The following SRPK2 variants were observed in gnomAD, a reference collection of about 807,000 sequenced individuals.
SRPK2 encodes the protein SRSF protein kinase 2.
SRPK2 carries 21 observed loss-of-function variants against 90.8 expected under a neutral mutation model. The observed-to-expected ratio is 0.23, with a 90% CI of 0.16 to 0.33. The LOEUF is 0.33. SRPK2 is among the 10% of genes least tolerant of loss of function. SRPK2 has a pLI of 1.00. For synonymous variants in SRPK2, 288 were observed against 311.1 expected (o/e 0.93, Z 0.78); for missense variants, 620 against 869.0 (o/e 0.71, Z 3.60).
At chr7:105,346,714 C>T (rs2131982934) in intron 2 of SRPK2, among the ~76,000 whole-genome samples, 1 of 151,996 alleles carries the variant, frequency 6.6e-6, no homozygotes, top group South Asian at 2.1e-4. Context: ...GCCAAGATCG[C>T]ACCACTGCAC....
chr7:105,119,948 C>T lies in SRPK2; in HGVS notation c.1916-1926G>A, dbSNP rs77635566. ...AACAACATGGGAGAAGATCATGGTACAACATTAGGCAGTAAAAGAACAGTC... is the reference window on the plus strand; with the variant it reads ...AACAACATGGGAGAAGATCATGGTATAACATTAGGCAGTAAAAGAACAGTC... On this transcript the variant is annotated intron_variant, in intron 15 of 15. Transcript: ENST00000393651. 4.6e-5 allele frequency among the ~76,000 whole-genome samples: 7 copies of T among 152,270 alleles called. No homozygotes were observed. The East Asian group carries it at 9.6e-4, about 21-fold the overall frequency.
intron 2 of SRPK2, among the ~76,000 whole-genome samples, chr7:105,248,145 G>A (rs910885877): frequency 1.3e-5 from 2 of 152,224 alleles, no homozygotes; most frequent in East Asian, 1.9e-4. Flanking sequence ...GAGCCACTGC[G>A]CCCAGTCGGC....
At chr7:105,333,055 G>T (rs1175516891) in intron 2 of SRPK2, among the ~76,000 whole-genome samples, 1 of 152,084 alleles carries the variant, frequency 6.6e-6, no homozygotes, top group Non-Finnish European at 1.5e-5. Context: ...TTAGCTGGGC[G>T]TGGTGGCACT....
At chr7:105,264,704 G>A (rs1342104136) in intron 2 of SRPK2, among the ~76,000 whole-genome samples, 1 of 152,150 alleles carries the variant, frequency 6.6e-6, no homozygotes, top group Admixed American at 6.5e-5. Flanking sequence ...TTCCGTATCT[G>A]TTCCCTGAGA....
chr7:105,379,156 A>AATATATATAT (rs56847291), intron 2 of SRPK2, among the ~76,000 whole-genome samples: 2 of 150,340 alleles, frequency 1.3e-5, no homozygotes, highest in South Asian at 4.2e-4. Flanking sequence ...TCTAAAAAAA[A>AATATATATAT]ATATATATAT....
At chr7:105,394,403 AG>A (rs1489987833) in intron 1 of SRPK2, among the ~76,000 whole-genome samples, 1 of 151,898 alleles carries the variant, frequency 6.6e-6, no homozygotes, top group Admixed American at 6.6e-5. Context: ...GGCCTCTCAA[AG>A]TGCTGGGATT....
Position 105,338,047 on chromosome 7 carries a change from T to C in SRPK2, c.71+50601A>G, listed in dbSNP as rs561202295. Among the ~76,000 whole-genome samples the C allele has an allele frequency of 3.5e-4, 50 of 142,174 alleles. 2 individuals carry two copies. The South Asian group carries it at 0.011, about 32-fold the overall frequency. 93.3% of individuals were successfully genotyped at this position (142,174 alleles called of 152,430 possible). On this transcript the variant is annotated intron_variant, in intron 2 of 15. Transcript: ENST00000393651. ...CAGTTTCTAAGTCTGAAGTTTCCTA[T>C]AATTAAAAAAAACTTTAAAAAAGAA...
At chr7:105,188,857 G>A (rs1793916573) in intron 3 of SRPK2, among the ~76,000 whole-genome samples, 1 of 152,164 alleles carries the variant, frequency 6.6e-6, no homozygotes, top group South Asian at 2.1e-4. Context: ...AAACATGCCT[G>A]GGCCCTTAAA....
intron 3 of SRPK2, among the ~76,000 whole-genome samples, chr7:105,170,905 A>AGG (rs1790898199): frequency 1.6e-5 from 2 of 125,692 alleles, no homozygotes; most frequent in East Asian, 4.9e-4. Context: ...GAAAGAAAGA[A>AGG]AGAAAGAAAG....
At chr7:105,161,051 G>C (rs562904419) in intron 6 of SRPK2, among the ~76,000 whole-genome samples, 1 of 151,840 alleles carries the variant, frequency 6.6e-6, no homozygotes, top group Non-Finnish European at 1.5e-5. Context: ...TCAGCCTCCC[G>C]AGCAGCTGAA....
intron 2 of SRPK2, among the ~76,000 whole-genome samples, chr7:105,379,148 T>TA (rs953287542): frequency 1.7e-4 from 26 of 149,102 alleles, no homozygotes; most frequent in African/African-American, 5.4e-4. Flanking sequence ...ACCCAGTCTC[T>TA]AAAAAAAAAT....
At chr7:105,275,032 C>T (rs1166757193) in intron 2 of SRPK2, among the ~76,000 whole-genome samples, 1 of 152,050 alleles carries the variant, frequency 6.6e-6, no homozygotes, top group Non-Finnish European at 1.5e-5. Context: ...GGATTACAAG[C>T]ACCCGCCACC....
intron 2 of SRPK2, among the ~76,000 whole-genome samples, chr7:105,227,939 A>C (rs1167874488): frequency 6.6e-6 from 1 of 151,950 alleles, no homozygotes; most frequent in Non-Finnish European, 1.5e-5. Flanking sequence ...ATAAGACTCC[A>C]AATAATGGAT....
chr7:105,280,659 G>A (rs1215224201), intron 2 of SRPK2, among the ~76,000 whole-genome samples: 1 of 49,758 alleles, frequency 2.0e-5, no homozygotes, highest in Non-Finnish European at 6.7e-5. Context: ...AAAAAAAAGG[G>A]GGGGGGGGCC....
Position 105,341,232 on chromosome 7 carries a change from C to T in SRPK2, c.71+47416G>A, listed in dbSNP as rs372205234. Among the ~76,000 whole-genome samples, 7 of 151,958 alleles carry T rather than the reference C, an allele frequency of 4.6e-5. No homozygotes were observed. The East Asian group carries it at 7.8e-4, about 17-fold the overall frequency. On this transcript the variant is annotated intron_variant, in intron 2 of 15. Coordinates refer to ENST00000393651, the MANE Select transcript of SRPK2 (RefSeq NM_182692.3). Reference sequence around the variant, plus strand: ...CACAAAAATTAACCAGGCGTGATGGCGCAGGCCTATAATCCCAGCTACTCA... The same window carrying T: ...CACAAAAATTAACCAGGCGTGATGGTGCAGGCCTATAATCCCAGCTACTCA...
intron 2 of SRPK2, among the ~76,000 whole-genome samples, chr7:105,304,976 G>A (rs1319720515): frequency 6.6e-6 from 1 of 152,122 alleles, no homozygotes; most frequent in Non-Finnish European, 1.5e-5. Context: ...TAAATATCCT[G>A]ACCTAACAAA....
chr7:105,381,032 G>A (rs1283710924), intron 2 of SRPK2, among the ~76,000 whole-genome samples: 1 of 150,760 alleles, frequency 6.6e-6, no homozygotes, highest in African/African-American at 2.4e-5. Flanking sequence ...GCTGAGGCAG[G>A]CAGATCACTT....
chr7:105,264,361 C>A (rs1026481588), intron 2 of SRPK2, among the ~76,000 whole-genome samples: 7 of 152,182 alleles, frequency 4.6e-5, no homozygotes, highest in African/African-American at 1.4e-4. Flanking sequence ...AATACACACA[C>A]AAAAACAGCC....
chr7:105,176,678 CAT>C lies in SRPK2; in HGVS notation c.230-7415_230-7414del, dbSNP rs541795755. ...TTACATACATATATATAGATGTATG[CAT>C]GTGTGTGTGTACATATATATGTATG... On this transcript the variant is annotated intron_variant, in intron 3 of 15. Transcript: ENST00000393651. 5.0e-3 allele frequency among the ~76,000 whole-genome samples: 649 copies of C among 130,018 alleles called. 1 individual carries two copies. The highest frequency in any genetic ancestry group is 0.014 in the African/African-American group (450 of 32,604). 85.3% of individuals were successfully genotyped at this position (130,018 alleles called of 152,430 possible).
Sources: allele counts gnomAD v4.1 joint callset (sites outside exome capture counted in the v4.1 genomes callset), GRCh38; gene constraint gnomAD v4.1.1; transcripts MANE v1.5; gene names NCBI Gene and HGNC (gene_info 2026-07-23, HGNC 2026-07-21).